The following TNS3 variants were observed in gnomAD, a reference collection of about 807,000 sequenced individuals.
TNS3 encodes the protein tensin 3, also known as tensin-3.
TNS3 carries 45 observed loss-of-function variants against 140.9 expected under a neutral mutation model. The observed-to-expected ratio is 0.32, with a 90% CI of 0.25 to 0.41. The LOEUF is 0.41. Ranked by LOEUF, TNS3 falls within the 10% of genes least tolerant of loss-of-function variation. TNS3 has a pLI of 1.00. For synonymous variants in TNS3, 815 were observed against 788.4 expected, an observed-to-expected ratio of 1.03 and a Z score of -0.56; for missense variants, 1,716 against 1,906.7, an observed-to-expected ratio of 0.90 and a Z score of 1.86.
chr7:47,425,885 T>C lies in TNS3; in HGVS notation c.390-1701A>G, dbSNP rs1055077104. On this transcript the variant is annotated intron_variant, in intron 9 of 30. Coordinates refer to ENST00000311160, the MANE Select transcript of TNS3 (RefSeq NM_022748.12). ...GATAAAGATCTCAAATGTGTGCTTG[T>C]GCTATCTGGGATTACTCTACTTCTG... 3.3e-5 allele frequency among the ~76,000 whole-genome samples: 5 copies of C among 152,262 alleles called. No individual in the cohort carries two copies. The East Asian group carries it at 9.6e-4, about 29-fold the overall frequency.
At chr7:47,390,007 C>A (rs577970239) in intron 16 of TNS3, among the ~76,000 whole-genome samples, 29 of 152,344 alleles carry the variant, frequency 1.9e-4, no homozygotes, top group African/African-American at 6.3e-4. Flanking sequence ...AAGAAATATT[C>A]TTCTGCCTGG....
At chr7:47,557,234 C>T (rs1434893299) in intron 1 of TNS3, 2 of 426,162 alleles carry the variant, frequency 4.7e-6, no homozygotes, top group Non-Finnish European at 9.6e-6. Flanking sequence ...AAGGGAGAGG[C>T]TGACTTTTCG....
intron 20 of TNS3, among the ~76,000 whole-genome samples, chr7:47,328,457 A>T (rs1788151141): frequency 6.6e-6 from 1 of 152,164 alleles, no homozygotes; most frequent in Admixed American, 6.5e-5. Context: ...CCCAAGGCAC[A>T]AGCGGCAGGA....
intron 20 of TNS3, among the ~76,000 whole-genome samples, chr7:47,341,043 A>G (rs974958558): frequency 5.9e-5 from 9 of 152,172 alleles, no homozygotes; most frequent in African/African-American, 2.2e-4. Context: ...AGTGTATTAC[A>G]TGAATGAATT....
chr7:47,389,080 A>AGAAGAGGAAGAG lies in TNS3; in HGVS notation c.1024+7708_1024+7719dup, dbSNP rs1167454390. ...AAGAAGAAGAAGAAGAAGAAGAAGAAGAAGAGGAAGAGGAAGAGGAAGCGG... is the reference window on the plus strand; with the variant it reads ...AAGAAGAAGAAGAAGAAGAAGAAGAAGAAGAGGAAGAGGAAGAGGAAGAGGAAGAGGAAGCGG... On this transcript the variant is annotated intron_variant, in intron 16 of 30. Transcript: ENST00000311160. Among the ~76,000 whole-genome samples the AGAAGAGGAAGAG allele has an allele frequency of 7.0e-4, 46 of 65,836 alleles. 6 individuals carry two copies. The South Asian group carries it at 7.0e-3, about 10-fold the overall frequency. The allele number at this position is 65,836 out of a possible 152,430, so 43.2% of individuals were successfully genotyped here.
rs116807813 is a variant in TNS3, at chr7:47,321,956, G to A, written c.2651-16953C>T. Among the ~76,000 whole-genome samples, 1,021 of 152,160 alleles carry A rather than the reference G, an allele frequency of 6.7e-3. 17 individuals carry two copies. The highest frequency in any genetic ancestry group is 0.021 in the African/African-American group (875 of 41,534). On this transcript the variant is annotated intron_variant, in intron 20 of 30. Transcript: ENST00000311160. ...TTCCCTCCTGCCCATCATCCACCAA[G>A]GTTTTCCTGATGATGAACATTCACT...
At chr7:47,425,007 T>A (rs1357937026) in intron 9 of TNS3, among the ~76,000 whole-genome samples, 2 of 152,200 alleles carry the variant, frequency 1.3e-5, no homozygotes, top group African/African-American at 4.8e-5. Flanking sequence ...CCAACTCATT[T>A]GGGCCAAATG....
intron 6 of TNS3, among the ~76,000 whole-genome samples, chr7:47,439,040 A>C (rs777211737): frequency 3.3e-5 from 5 of 152,194 alleles, no homozygotes; most frequent in Non-Finnish European, 7.4e-5. Flanking sequence ...GTGTGTTTTG[A>C]AAATCAAGCT....
intron 23 of TNS3, among the ~76,000 whole-genome samples, chr7:47,298,452 C>G (rs1221998095): frequency 6.6e-6 from 1 of 152,220 alleles, no homozygotes; most frequent in Non-Finnish European, 1.5e-5. Flanking sequence ...AACCTCAACT[C>G]GATACTGCCC....
chr7:47,384,211 G>A (rs1321530421), intron 16 of TNS3, among the ~76,000 whole-genome samples: 1 of 152,150 alleles, frequency 6.6e-6, no homozygotes, highest in Non-Finnish European at 1.5e-5. Context: ...CCAATGTCAG[G>A]CCCCTCCCCA....
intron 1 of TNS3, chr7:47,579,796 A>G: frequency 8.2e-6 from 8 of 980,140 alleles, no homozygotes; most frequent in African/African-American, 1.7e-5. Flanking sequence ...CTAAGCAGAT[A>G]TAAGCTGCGA....
chr7:47,553,354 A>G (rs1461178604), intron 1 of TNS3, among the ~76,000 whole-genome samples: 1 of 152,276 alleles, frequency 6.6e-6, no homozygotes, highest in Non-Finnish European at 1.5e-5. Flanking sequence ...AGGAGAAGTC[A>G]ATGTCAAGCT....
In TNS3 at chr7:47,415,215, C is replaced by T. The variant is rs532976363; in HGVS notation, c.474-9G>A. On this transcript the variant is annotated splice_polypyrimidine_tract_variant and intron_variant, in intron 10 of 30. Transcript: ENST00000311160. ...TGAGGAACTGAACATACCTGCAAAA[C>T]GGACAGCTGGGTTACACTTCCCAGA... 1.9e-5 allele frequency: 30 copies of T among 1,593,748 alleles called. No homozygotes were observed. Among genetic ancestry groups the T allele is most frequent in the South Asian group, 1.5e-4 (13 of 88,694 alleles).
At chr7:47,529,206 T>C in intron 1 of TNS3, 59 bp from the exon 2 acceptor site, 1 of 961,050 alleles carries the variant, frequency 1.0e-6, no homozygotes, top group Non-Finnish European at 1.4e-6. Flanking sequence ...TTCTTTTTCC[T>C]TTTCATTTAA....
rs976624381 is a variant in TNS3, at chr7:47,484,956, G to C, written c.-114-3815C>G. 2.0e-5 allele frequency among the ~76,000 whole-genome samples: 3 copies of C among 152,208 alleles called. No individual in the cohort carries two copies. In the East Asian group the frequency reaches 5.8e-4, roughly 29 times the overall value. On this transcript the variant is annotated intron_variant, in intron 3 of 30. Coordinates refer to ENST00000311160, the MANE Select transcript of TNS3 (RefSeq NM_022748.12). ...ACTTATGTTCTTAACATGCCAGTCT[G>C]ACTTATTCAGAGAGAGCAGCCACCC...
At position 47,529,120 on chromosome 7, in the gene TNS3, C is replaced by T. The variant is rs10261525; in HGVS notation, c.-237G>A. ...TTTTTAAAGGCCTTGTTCTTAAAAG[C>T]GTGCAGACTCGAGGTTAATTCTTCC... On this transcript the variant is annotated 5_prime_UTR_variant, in exon 2 of 31. Transcript: ENST00000311160. 0.33 allele frequency: 427,249 copies of T among 1,283,378 alleles called. 72,879 individuals are homozygous for T. The highest frequency in any genetic ancestry group is 0.38 in the South Asian group (29,928 of 79,598). The allele number at this position is 1,283,378 out of a possible 1,614,324, so 79.5% of individuals were successfully genotyped here.
chr7:47,314,925 C>CT (rs1376412239), intron 20 of TNS3, among the ~76,000 whole-genome samples: 1 of 152,234 alleles, frequency 6.6e-6, no homozygotes, highest in African/African-American at 2.4e-5. Flanking sequence ...ATAATGGTCC[C>CT]TCAAAGCAAC....
chr7:47,376,773 C>T (rs987001921), intron 16 of TNS3, among the ~76,000 whole-genome samples: 2 of 88,238 alleles, frequency 2.3e-5, no homozygotes, highest in African/African-American at 3.5e-5. Context: ...ATACACCTCA[C>T]TCACTCTTCA....
chr7:47,481,539 G>T, intron 3 of TNS3: 2 of 511,564 alleles, frequency 3.9e-6, no homozygotes, highest in South Asian at 8.4e-5. Context: ...TGGTCTTCAA[G>T]ACCCCACTCC....
Sources: gnomAD v4.1 joint callset for allele counts (sites outside exome capture counted in the v4.1 genomes callset) on GRCh38, gnomAD v4.1.1 for gene constraint, MANE v1.5 for transcripts, NCBI Gene and HGNC (gene_info 2026-07-23, HGNC 2026-07-21) for gene names.